The following LRRTM4 variants were observed in gnomAD, a reference collection of about 807,000 sequenced individuals.
The protein encoded by LRRTM4 is leucine-rich repeat transmembrane neuronal protein 4.
Under a neutral mutation model 47.6 loss-of-function variants are expected in LRRTM4, and 25 were observed. The observed-to-expected ratio is 0.53, with a 90% confidence interval of 0.38 to 0.73. The LOEUF (loss-of-function observed/expected upper bound fraction) is 0.73. Among genes scored for constraint, LRRTM4 ranks in the 30% least tolerant of loss-of-function variants. LRRTM4 has a pLI of 0.00. For synonymous variants in LRRTM4, 311 were observed against 269.5 expected, an observed-to-expected ratio of 1.15 and a Z score of -1.51; for missense variants, 638 against 713.4, an observed-to-expected ratio of 0.89 and a Z score of 1.20.
intron 3 of LRRTM4, among the ~76,000 whole-genome samples, chr2:77,173,175 T>C (rs865970362): frequency 6.6e-6 from 1 of 152,182 alleles, no homozygotes; most frequent in African/African-American, 2.4e-5. Context: ...GGTGGCAGAA[T>C]CCTAATTGAC....
chr2:76,888,658 T>C (rs1026798919), intron 3 of LRRTM4, among the ~76,000 whole-genome samples: 3 of 151,830 alleles, frequency 2.0e-5, no homozygotes, highest in Non-Finnish European at 4.4e-5. Flanking sequence ...TTATTTTAAT[T>C]ATTCATTAGT....
At chr2:77,007,120 G>T (rs1677683270) in intron 3 of LRRTM4, among the ~76,000 whole-genome samples, 1 of 151,814 alleles carries the variant, frequency 6.6e-6, no homozygotes. Context: ...AAACTCAAGA[G>T]AATTTGAAAT....
chr2:76,965,836 C>G (rs545842054), intron 3 of LRRTM4, among the ~76,000 whole-genome samples: 1 of 151,522 alleles, frequency 6.6e-6, no homozygotes, highest in Non-Finnish European at 1.5e-5. Context: ...CAATTAAAAA[C>G]TATGCAAATG....
chr2:77,027,035 T>C (rs1399526189), intron 3 of LRRTM4, among the ~76,000 whole-genome samples: 2 of 152,250 alleles, frequency 1.3e-5, no homozygotes, highest in Admixed American at 6.5e-5. Flanking sequence ...TTTTGACACC[T>C]GCTATATTAA....
chr2:77,452,459 C>T (rs998869277), intron 3 of LRRTM4, among the ~76,000 whole-genome samples: 2 of 152,098 alleles, frequency 1.3e-5, no homozygotes, highest in African/African-American at 4.8e-5. Context: ...AGAGTTTTGT[C>T]TATGTAAGAG....
chr2:76,860,559 T>C (rs569304844), intron 3 of LRRTM4, among the ~76,000 whole-genome samples: 9 of 152,178 alleles, frequency 5.9e-5, no homozygotes, highest in African/African-American at 1.2e-4. Context: ...GCTGTGTGTG[T>C]GCATGTGTGT....
chr2:76,929,759 T>C (rs1469565465), intron 3 of LRRTM4, among the ~76,000 whole-genome samples: 1 of 152,150 alleles, frequency 6.6e-6, no homozygotes, highest in African/African-American at 2.4e-5. Context: ...AAACCACATA[T>C]CCTAGCATCA....
At chr2:77,227,158 T>G (rs569508386) in intron 3 of LRRTM4, among the ~76,000 whole-genome samples, 21 of 152,108 alleles carry the variant, frequency 1.4e-4, no homozygotes, top group African/African-American at 5.1e-4. Context: ...AGCTCCAACC[T>G]CAGTTTTATA....
chr2:77,354,147 G>A (rs1188485358), intron 3 of LRRTM4, among the ~76,000 whole-genome samples: 3 of 152,098 alleles, frequency 2.0e-5, no homozygotes, highest in Non-Finnish European at 2.9e-5. Flanking sequence ...CCATGGCAAT[G>A]GTAAACTGAT....
intron 3 of LRRTM4, among the ~76,000 whole-genome samples, chr2:77,066,968 C>T (rs1316986575): frequency 2.0e-5 from 3 of 152,174 alleles, no homozygotes; most frequent in African/African-American, 4.8e-5. Context: ...TTGGATTCCC[C>T]ATGGGGGAAG....
At chr2:77,142,299 T>C (rs1182875010) in intron 3 of LRRTM4, among the ~76,000 whole-genome samples, 1 of 152,138 alleles carries the variant, frequency 6.6e-6, no homozygotes, top group East Asian at 1.9e-4. Flanking sequence ...ACCTCTGTGT[T>C]GTTGTAGCAT....
intron 3 of LRRTM4, among the ~76,000 whole-genome samples, chr2:76,943,591 T>C (rs1387189869): frequency 6.6e-6 from 1 of 152,204 alleles, no homozygotes; most frequent in Admixed American, 6.5e-5. Context: ...TTTTTTCCTC[T>C]CTCCATGACA....
intron 3 of LRRTM4, among the ~76,000 whole-genome samples, chr2:77,218,440 G>A (rs1295526247): frequency 6.6e-6 from 1 of 151,920 alleles, no homozygotes; most frequent in Non-Finnish European, 1.5e-5. Flanking sequence ...GAAAAAGTTG[G>A]CTATTTCTTA....
At chr2:77,219,180 G>A (rs1674547325) in intron 3 of LRRTM4, among the ~76,000 whole-genome samples, 1 of 152,258 alleles carries the variant, frequency 6.6e-6, no homozygotes, top group South Asian at 2.1e-4. Flanking sequence ...TTTGAGTAGG[G>A]GGAGAGCTTC....
intron 3 of LRRTM4, among the ~76,000 whole-genome samples, chr2:77,083,263 T>C (rs1013702080): frequency 6.6e-6 from 1 of 152,288 alleles, no homozygotes; most frequent in East Asian, 1.9e-4. Context: ...AGCTATTCCA[T>C]GGTGCAAAGG....
chr2:76,944,926 G>T (rs904114185), intron 3 of LRRTM4, among the ~76,000 whole-genome samples: 9 of 152,032 alleles, frequency 5.9e-5, no homozygotes, highest in African/African-American at 2.2e-4. Flanking sequence ...GGTATAAGAA[G>T]GAAGATGACA....
intron 3 of LRRTM4, among the ~76,000 whole-genome samples, chr2:76,972,015 C>T (rs1676236225): frequency 6.6e-6 from 1 of 152,016 alleles, no homozygotes; most frequent in African/African-American, 2.4e-5. Context: ...TGTGGGGCTA[C>T]ATCATTCTTC....
intron 3 of LRRTM4, among the ~76,000 whole-genome samples, chr2:77,262,429 T>C (rs1242251318): frequency 6.6e-6 from 1 of 152,074 alleles, no homozygotes; most frequent in Non-Finnish European, 1.5e-5. Context: ...GGTACATTTG[T>C]TATAACTAGT....
intron 3 of LRRTM4, among the ~76,000 whole-genome samples, chr2:77,306,768 G>C (rs116369460): frequency 0.03 from 4,546 of 151,708 alleles, 229 homozygotes; most frequent in African/African-American, 0.1. Flanking sequence ...ATGAAATAGA[G>C]GGAAAAAAGT....
Sources: allele counts gnomAD v4.1 joint callset (sites outside exome capture counted in the v4.1 genomes callset), GRCh38; gene constraint gnomAD v4.1.1; transcripts MANE v1.5; gene names NCBI Gene and HGNC (gene_info 2026-07-23, HGNC 2026-07-21).